Variants in KHDC4 observed in about 807,000 individuals in gnomAD.
KHDC4 encodes KH homology domain-containing protein 4.
Under a neutral mutation model 74.5 loss-of-function variants are expected in KHDC4, and 19 were observed. The observed-to-expected ratio is 0.26, with a 90% CI of 0.18 to 0.37. The LOEUF (loss-of-function observed/expected upper bound fraction) is 0.37, where lower values mean the gene tolerates loss of function less well. KHDC4 is among the 10% of genes least tolerant of loss of function. The pLI, the probability that KHDC4 is intolerant of heterozygous loss-of-function variation, is 1.00. For synonymous variants in KHDC4, 253 were observed against 266.1 expected (o/e 0.95, Z 0.48); for missense variants, 632 against 754.1 (o/e 0.84, Z 1.90).
intron 11 of KHDC4, 73 bp downstream of exon 11, chr1:155,917,426 A>G: frequency 7.8e-7 from 1 of 1,281,672 alleles, no homozygotes; most frequent in South Asian, 1.2e-5. Flanking sequence ...AATGATGTGA[A>G]TTTATCTTTT....
chr1:155,934,223 G>A (rs372860038), intron 1 of KHDC4, 113 bp downstream of exon 1: 1 of 1,146,180 alleles, frequency 8.7e-7, no homozygotes, highest in Non-Finnish European at 1.3e-6. Flanking sequence ...CAAACGTCCA[G>A]CCCTTTACTT....
At chr1:155,927,272 T>A in intron 4 of KHDC4, 116 bp from the exon 5 acceptor site, 1 of 742,586 alleles carries the variant, frequency 1.3e-6, no homozygotes, top group Non-Finnish European at 2.3e-6. Context: ...CAAAAGGGAC[T>A]ATATACATTA....
Position 155,926,685 on chromosome 1 carries a change from G to C in KHDC4, c.672C>G (p.Phe224Leu), listed in dbSNP as rs1326786145. Residue 224 changes from phenylalanine to leucine, a missense_variant, in exon 6 of 14, where the codon TTC becomes TTG. Phe to Leu is a conservative substitution (Grantham distance 22, BLOSUM62 0). Coordinates refer to ENST00000368321, the MANE Select transcript of KHDC4 (RefSeq NM_014949.4). Reference sequence around the variant, plus strand: ...CCTCCCCAAAACATACCCCTGACTGGAAGGGAGGCTTCTGGCTAACAGCTG... The same window carrying C: ...CCTCCCCAAAACATACCCCTGACTGCAAGGGAGGCTTCTGGCTAACAGCTG... ...LSPAVSQKPP[F>L]QSGMHYVQDK... 1 of 1,614,138 alleles carries C rather than the reference G, an allele frequency of 6.2e-7. No individual in the cohort carries two copies. The highest frequency in any genetic ancestry group is 8.5e-7 in the Non-Finnish European group (1 of 1,180,020).
In KHDC4 at chr1:155,929,205, T is replaced by C. The variant is rs982722326; in HGVS notation, c.464+91A>G. ...ACCCCTCAAACCTTGAATCAAATAT[T>C]GTGTACACGTATTACCTAAGGATAA... On this transcript the variant is annotated intron_variant, in intron 4 of 13. Coordinates refer to ENST00000368321, the MANE Select transcript of KHDC4 (RefSeq NM_014949.4). 1.3e-5 allele frequency: 11 copies of C among 860,700 alleles called. No homozygotes were observed. In the African/African-American group the frequency reaches 1.8e-4, roughly 14 times the overall value. The allele number at this position is 860,700 out of a possible 1,614,324, so 53.3% of individuals were successfully genotyped here. A position where few individuals can be genotyped will look rare whatever the true frequency, so the allele number is the denominator to read the frequency against.
At chr1:155,926,077 G>A (rs1333992267) in intron 6 of KHDC4, 1 of 708,522 alleles carries the variant, frequency 1.4e-6, no homozygotes, top group African/African-American at 1.7e-5. Context: ...AGCCTTCTTA[G>A]TCCTCCAGTT....
intron 8 of KHDC4, 148 bp from the exon 9 acceptor site, chr1:155,922,066 ATTTTT>A: frequency 2.7e-6 from 1 of 376,322 alleles, no homozygotes; most frequent in South Asian, 3.1e-5. Flanking sequence ...TTTAACCCAC[ATTTTT>A]TTTTTTTTTT....
At chr1:155,926,251 C>T (rs1054319684) in intron 6 of KHDC4, among the ~76,000 whole-genome samples, 1 of 151,666 alleles carries the variant, frequency 6.6e-6, no homozygotes, top group Admixed American at 6.6e-5. Flanking sequence ...AAACAGAATA[C>T]CTATGGCAGG....
At position 155,918,971 on chromosome 1, in the gene KHDC4, G is replaced by GTTT. The variant is rs66693073; in HGVS notation, c.1267-1302_1267-1300dup. 1.5e-3 allele frequency among the ~76,000 whole-genome samples: 160 copies of GTTT among 107,424 alleles called. 2 individuals carry two copies. The highest frequency in any genetic ancestry group is 2.0e-3 in the African/African-American group (54 of 27,200). The allele number at this position is 107,424 out of a possible 152,430, so 70.5% of individuals were successfully genotyped here. A position where few individuals can be genotyped will look rare whatever the true frequency, so the allele number is the denominator to read the frequency against. On this transcript the variant is annotated intron_variant, in intron 10 of 13. Coordinates refer to ENST00000368321, the MANE Select transcript of KHDC4 (RefSeq NM_014949.4). ...CCTGTCAATCTAATTCTAACTCCCA[G>GTTT]TTTTTTTTTTTTTTTTTTTTTGAGT...
At chr1:155,927,727 C>T (rs891702146) in intron 4 of KHDC4, among the ~76,000 whole-genome samples, 1 of 143,920 alleles carries the variant, frequency 6.9e-6, no homozygotes, top group Admixed American at 7.4e-5. Context: ...CACTTGAACC[C>T]AGGAGGTGGA....
intron 2 of KHDC4, among the ~76,000 whole-genome samples, chr1:155,930,090 T>G (rs915886122): frequency 2.6e-5 from 4 of 152,074 alleles, no homozygotes; most frequent in African/African-American, 9.7e-5. Flanking sequence ...TTTTCGGATT[T>G]TTAGTAGAGA....
intron 4 of KHDC4, among the ~76,000 whole-genome samples, chr1:155,928,132 G>A (rs564701400): frequency 6.6e-6 from 1 of 152,292 alleles, no homozygotes; most frequent in African/African-American, 2.4e-5. Flanking sequence ...CAGCACTTTG[G>A]GAGGCCGAGG....
intron 8 of KHDC4, 189 bp from the exon 9 acceptor site, chr1:155,922,107 G>A: frequency 2.4e-6 from 1 of 410,750 alleles, no homozygotes; most frequent in Non-Finnish European, 4.5e-6. Flanking sequence ...TGTCACCCAG[G>A]CTGGAGTGCA....
chr1:155,928,061 C>T (rs908377764), intron 4 of KHDC4, among the ~76,000 whole-genome samples: 3 of 151,862 alleles, frequency 2.0e-5, no homozygotes, highest in African/African-American at 7.3e-5. Flanking sequence ...CAGCAATCAA[C>T]ACATATAGAA....
chr1:155,925,877 G>A (rs1234661287), intron 6 of KHDC4, 34 bp from the exon 7 acceptor site: 2 of 1,446,132 alleles, frequency 1.4e-6, no homozygotes, highest in Non-Finnish European at 1.9e-6. Flanking sequence ...AGATTAAACA[G>A]AATATATAAT....
intron 13 of KHDC4, 22 bp downstream of exon 13, chr1:155,915,850 TC>T (rs775130219): frequency 1.4e-6 from 2 of 1,466,436 alleles, no homozygotes; most frequent in South Asian, 2.4e-5. Flanking sequence ...ACTCCCCTGT[TC>T]CCCCAGCTAT....
Position 155,933,741 on chromosome 1 carries a change from T to G in KHDC4, c.147A>C (p.Thr49=), listed in dbSNP as rs765480733. The G allele has an allele frequency of 9.3e-6, 15 of 1,607,976 alleles. No individual in the cohort carries two copies. The highest frequency in any genetic ancestry group is 1.7e-5 in the Admixed American group (1 of 59,236). Residue 49 remains threonine, a synonymous_variant, in exon 2 of 14, where the codon ACA becomes ACC. Transcript: ENST00000368321. ...CATCCAAGGCTCCTGAAGGAGCAGC[T>G]GTGGTGCCCCCAGGACTTCCCCCAC... ...TSSGGSPGGT[T]AAPSGALDAA... is the part of the protein sequence containing the mutation.
At chr1:155,934,269 C>T (rs1674204952) in intron 1 of KHDC4, 67 bp downstream of exon 1, 10 of 1,530,378 alleles carry the variant, frequency 6.5e-6, no homozygotes, top group Non-Finnish European at 7.1e-6. Context: ...TACGCAGCTT[C>T]TCAGGGTCCC....
At position 155,914,327 on chromosome 1, in the gene KHDC4, T is replaced by G. The variant is rs748016662; in HGVS notation, c.1646-7A>C. ...ATCTTCTTGGCTGGATAATCTAGAA[T>G]AGAGAAAAAACAACCCCAACCCCAT... On this transcript the variant is annotated splice_polypyrimidine_tract_variant and splice_region_variant and intron_variant, in intron 13 of 13. Transcript: ENST00000368321. 8 of 1,601,270 alleles carry G rather than the reference T, an allele frequency of 5.0e-6. No individual in the cohort carries two copies. Among genetic ancestry groups the G allele is most frequent in the Non-Finnish European group, 6.8e-6 (8 of 1,174,342 alleles).
chr1:155,915,892 C>T lies in KHDC4; in HGVS notation c.1626G>A (p.Gly542=), dbSNP rs1213989185. 3 of 1,603,360 alleles carry T rather than the reference C, an allele frequency of 1.9e-6. No homozygotes were observed. Among genetic ancestry groups the T allele is most frequent in the Non-Finnish European group, 2.6e-6 (3 of 1,175,196 alleles). The change falls in exon 13 of 14, where the codon GGG becomes GGA. Residue 542 remains glycine (G), a synonymous_variant. Coordinates refer to ENST00000368321, the MANE Select transcript of KHDC4 (RefSeq NM_014949.4). ...KTESDERNGS[G]TLTGSHDYPA... ...ACTCACCATGGCTCCCTGTTAAGGT[C>T]CCAGACCCATTCCTTTCATCGGACT...
Sources: gnomAD v4.1 joint callset for allele counts (sites outside exome capture counted in the v4.1 genomes callset) on GRCh38, gnomAD v4.1.1 for gene constraint, MANE v1.5 for transcripts, NCBI Gene and HGNC (gene_info 2026-07-23, HGNC 2026-07-21) for gene names.